The following SMC6 variants were observed in gnomAD, a reference collection of about 807,000 sequenced individuals.
SMC6 encodes the protein structural maintenance of chromosomes protein 6.
A neutral mutation model predicts 142.2 loss-of-function variants in SMC6; 79 were observed. The observed-to-expected ratio is 0.56, with a 90% CI of 0.46 to 0.67. The LOEUF (loss-of-function observed/expected upper bound fraction) is 0.67, where lower values mean the gene tolerates loss of function less well. Ranked by LOEUF, SMC6 falls within the 30% of genes least tolerant of loss-of-function variation. The pLI, the probability that SMC6 is intolerant of heterozygous loss-of-function variation, is 0.00. For missense variants in SMC6, 1,072 were observed against 1,284.0 expected, an observed-to-expected ratio of 0.83 and a Z score of 2.52; for synonymous variants, 411 against 412.4, an observed-to-expected ratio of 1.00 and a Z score of 0.04.
rs1666401879 is a variant in SMC6, at chr2:17,664,386, GA to G, written c.*1112del. ...AAAGTCCAGTTTTCCTCAATAACTA[GA>G]GAACAGTCCCTGCTCTTAATATACT... On this transcript the variant is annotated 3_prime_UTR_variant, in exon 28 of 28. Coordinates refer to ENST00000448223, the MANE Select transcript of SMC6 (RefSeq NM_001142286.2). 1 of 152,240 alleles carries G rather than the reference GA, an allele frequency of 6.6e-6. No homozygotes were observed. Among genetic ancestry groups the G allele is most frequent in the Admixed American group, 6.5e-5 (1 of 15,282 alleles). The allele number at this position is 152,240 out of a possible 1,614,324, so 9.4% of individuals were successfully genotyped here. A position where few individuals can be genotyped will look rare whatever the true frequency, so the allele number is the denominator to read the frequency against.
chr2:17,701,782 G>C (rs748471712), intron 20 of SMC6, 47 bp downstream of exon 20: 19 of 1,154,066 alleles, frequency 1.6e-5, no homozygotes, highest in Middle Eastern at 2.1e-4. Context: ...CCTAAATGGT[G>C]GCTTTACCCT....
chr2:17,714,952 C>A lies in SMC6; in HGVS notation c.1639G>T (p.Ala547Ser), dbSNP rs1383827124. ...HNHADERVLQ[A>S]LMKRFYLPGT... ...GGTAAATAAAACCTTTTCATGAGTGCCTGAAGGACCCTTTCATCAGCATGA... is the reference window on the plus strand; with the variant it reads ...GGTAAATAAAACCTTTTCATGAGTGACTGAAGGACCCTTTCATCAGCATGA... Residue 547 changes from alanine to serine, a missense_variant, in exon 16 of 28, where the codon GCA becomes TCA. Physicochemically the swap from Ala to Ser is moderately conservative, Grantham distance 99. Around this residue, in one of 3 missense-constraint regions of SMC6, gnomAD observed 994 missense variants for 1,153.2 expected, o/e 0.86. Coordinates refer to ENST00000448223, the MANE Select transcript of SMC6 (RefSeq NM_001142286.2). 1 of 1,613,914 alleles carries A rather than the reference C, an allele frequency of 6.2e-7. No individual in the cohort carries two copies. The highest frequency in any genetic ancestry group is 2.2e-5 in the East Asian group (1 of 44,858).
intron 2 of SMC6, among the ~76,000 whole-genome samples, chr2:17,746,664 T>C (rs1020136176): frequency 3.3e-5 from 5 of 152,322 alleles, no homozygotes; most frequent in African/African-American, 9.6e-5. Flanking sequence ...AAAATTAACA[T>C]CTTTTAAATT....
At chr2:17,722,608 A>G (rs936775583) in intron 9 of SMC6, among the ~76,000 whole-genome samples, 5 of 152,096 alleles carry the variant, frequency 3.3e-5, no homozygotes, top group Non-Finnish European at 2.9e-5. Context: ...TTTCACTGCT[A>G]CTGAAACCCA....
intron 24 of SMC6, chr2:17,681,198 A>G (rs1197738787): frequency 6.6e-6 from 1 of 152,256 alleles, no homozygotes; most frequent in African/African-American, 2.4e-5. Flanking sequence ...CACCTTTCTC[A>G]GCCTTCATCG....
In SMC6 at chr2:17,683,715, C is replaced by G. The variant is rs766278511; in HGVS notation, c.2727G>C (p.Val909=). 3.1e-6 allele frequency: 5 copies of G among 1,610,692 alleles called. No homozygotes were observed. The East Asian group carries it at 8.9e-5, about 29-fold the overall frequency. The change falls in exon 24 of 28, where the codon GTG becomes GTC. Residue 909 remains valine (V), a synonymous_variant. Coordinates refer to ENST00000448223, the MANE Select transcript of SMC6 (RefSeq NM_001142286.2). ...ATTTAATAAACTTTTTTAAAGTCCTCACTTTACTATCCAGATCAAGATAGG... is the reference window on the plus strand; with the variant it reads ...ATTTAATAAACTTTTTTAAAGTCCTGACTTTACTATCCAGATCAAGATAGG... The part of the protein sequence containing the change: ...RETYLDLDSK[V]RTLKKFIKLL...
rs750405878 is a variant in SMC6 at position 17,703,212 on chromosome 2, A to G, written c.2087T>C (p.Ile696Thr). Residue 696 changes from isoleucine (I) to threonine (T), a missense_variant, in exon 19 of 28, where the codon ATT (isoleucine) becomes ACT (threonine). Around this residue, in one of 3 missense-constraint regions of SMC6, gnomAD observed 994 missense variants for 1,153.2 expected, o/e 0.86. Transcript: ENST00000448223. ...TTTAAGAAGTTCCTCATTGTGTTTA[A>G]TATCTTTTTCAAGGGCAGATAAATG... ...QQHLSALEKD[I>T]KHNEELLKRC... is the part of the protein sequence containing the mutation. The G allele has an allele frequency of 3.2e-6, 5 of 1,586,834 alleles. No individual in the cohort carries two copies. The highest frequency in any genetic ancestry group is 2.2e-5 in the East Asian group (1 of 44,470).
Position 17,716,836 on chromosome 2 carries a change from T to C in SMC6, c.1251A>G (p.Val417=). Residue 417 remains valine (V), a synonymous_variant, in exon 14 of 28, where the codon GTA becomes GTG. Transcript: ENST00000448223. The part of the protein sequence containing the change: ...QKKISWLKER[V]KAFQNQENSV... Reference sequence around the variant, plus strand: ...AATTTTCTTGATTTTGAAAGGCCTTTACTCTCTCTTTTAACCAAGATATTT... The same window carrying C: ...AATTTTCTTGATTTTGAAAGGCCTTCACTCTCTCTTTTAACCAAGATATTT... 1 of 1,613,550 alleles carries C rather than the reference T, an allele frequency of 6.2e-7. No individual in the cohort carries two copies.
At position 17,720,950 on chromosome 2, in the gene SMC6, T is replaced by G; in HGVS notation, c.935A>C (p.Glu312Ala). Reference protein sequence around the residue: ...DRAARLDRKMEEQQVRLNEAE... With the variant: ...DRAARLDRKMAEQQVRLNEAE... ...AAAAACTGTAATTACCTGCTGTTCT[T>G]CCATTTTCCTGTCAAGTCTAGCAGC... The change falls in exon 11 of 28, where the codon GAA becomes GCA. Residue 312 changes from glutamate to alanine, a missense_variant. This residue lies in a region of SMC6 where 994 missense variants were observed against 1,153.2 expected (regional missense o/e 0.86). Coordinates refer to ENST00000448223, the MANE Select transcript of SMC6 (RefSeq NM_001142286.2). 6.2e-7 allele frequency: 1 copy of G among 1,612,988 alleles called. No individual in the cohort carries two copies. The highest frequency in any genetic ancestry group is 1.1e-5 in the South Asian group (1 of 91,030).
intron 18 of SMC6, among the ~76,000 whole-genome samples, chr2:17,704,856 G>A (rs1315477672): frequency 6.6e-6 from 1 of 151,898 alleles, no homozygotes; most frequent in Non-Finnish European, 1.5e-5. Context: ...ATAAAAATGG[G>A]GCCAGGTGCA....
In SMC6 at chr2:17,727,834, T is replaced by C. The variant is rs189882987; in HGVS notation, c.544-1365A>G. On this transcript the variant is annotated intron_variant, in intron 7 of 27. Coordinates refer to ENST00000448223, the MANE Select transcript of SMC6 (RefSeq NM_001142286.2). Reference sequence around the variant, plus strand: ...GTTAAAACATTTCTCTCAAGTACGATGTTGGGCCTCTCTTCAAGATAATAA... The same window carrying C: ...GTTAAAACATTTCTCTCAAGTACGACGTTGGGCCTCTCTTCAAGATAATAA... Among the ~76,000 whole-genome samples, 870 of 152,326 alleles carry C rather than the reference T, an allele frequency of 5.7e-3. 8 individuals are homozygous for C. The highest frequency in any genetic ancestry group is 9.9e-3 in the Non-Finnish European group (673 of 68,008).
In SMC6 at chr2:17,752,964, T is replaced by A; in HGVS notation, c.-6+14A>T. The A allele has an allele frequency of 1.0e-6, 1 of 964,374 alleles. No homozygotes were observed. Among genetic ancestry groups the A allele is most frequent in the Non-Finnish European group, 1.2e-6 (1 of 810,788 alleles). The allele number at this position is 964,374 out of a possible 1,614,324, so 59.7% of individuals were successfully genotyped here. On this transcript the variant is annotated intron_variant, in intron 2 of 27. Transcript: ENST00000448223. ...AACACCAAATGATTGCTCTAAGAATTTTCACAGTATTACCTCAAACCCTAT... is the reference window on the plus strand; with the variant it reads ...AACACCAAATGATTGCTCTAAGAATATTCACAGTATTACCTCAAACCCTAT...
intron 4 of SMC6, among the ~76,000 whole-genome samples, chr2:17,740,369 T>G (rs1307426809): frequency 1.3e-5 from 2 of 152,174 alleles, no homozygotes; most frequent in Non-Finnish European, 2.9e-5. Flanking sequence ...TGTCACCAGT[T>G]GGTAGACTCT....
intron 14 of SMC6, 133 bp from the exon 15 acceptor site, chr2:17,716,397 A>C: frequency 1.2e-6 from 1 of 824,348 alleles, no homozygotes. Flanking sequence ...AGAATTATTT[A>C]TTTGAAAATA....
At chr2:17,744,427 TGCTGAATGTA>T (rs1302587925) in intron 3 of SMC6, among the ~76,000 whole-genome samples, 1 of 152,230 alleles carries the variant, frequency 6.6e-6, no homozygotes, top group African/African-American at 2.4e-5. Flanking sequence ...CCTATAACTT[TGCTGAATGTA>T]TTTATTCATT....
intron 7 of SMC6, among the ~76,000 whole-genome samples, chr2:17,727,394 C>T (rs1669683035): frequency 6.6e-6 from 1 of 152,190 alleles, no homozygotes. Context: ...AAACATTAGA[C>T]TCCAAGTTCT....
At chr2:17,720,735 T>G (rs558578871) in intron 11 of SMC6, among the ~76,000 whole-genome samples, 36 of 152,318 alleles carry the variant, frequency 2.4e-4, no homozygotes, top group African/African-American at 8.2e-4. Flanking sequence ...CTGACAGGTT[T>G]ATCAAGGATA....
chr2:17,667,660 G>C (rs1666562155), intron 26 of SMC6, among the ~76,000 whole-genome samples: 1 of 152,120 alleles, frequency 6.6e-6, no homozygotes, highest in Admixed American at 6.5e-5. Context: ...GATCAGCCTG[G>C]CCAATATGGC....
At chr2:17,672,121 T>C (rs4578856) in intron 25 of SMC6, among the ~76,000 whole-genome samples, 118,766 of 152,054 alleles carry the variant, frequency 0.78, 48,114 homozygotes, top group Middle Eastern at 0.92. Context: ...AAAATTCCCA[T>C]ATAAAAAAGC....
Sources: allele counts gnomAD v4.1 joint callset (sites outside exome capture counted in the v4.1 genomes callset), GRCh38; gene constraint gnomAD v4.1.1; regional missense constraint gnomAD v4.1.1; transcripts MANE v1.5; gene names NCBI Gene and HGNC (gene_info 2026-07-23, HGNC 2026-07-21).